Variants in ZBBX observed in about 807,000 individuals in gnomAD.
ZBBX encodes zinc finger B-box domain-containing protein 1.
In ZBBX, 101 loss-of-function variants were observed where a neutral mutation model predicts 108.5. The ratio of observed to expected loss-of-function variants is 0.93; its 90% CI spans 0.79 to 1.10. The LOEUF (loss-of-function observed/expected upper bound fraction) is 1.10. Ranked by LOEUF, ZBBX falls within the 50% of genes least tolerant of loss-of-function variation. The pLI is 0.00. For missense variants in ZBBX, 1,009 were observed against 941.4 expected, an observed-to-expected ratio of 1.07 and a Z score of -0.94; for synonymous variants, 356 against 323.4, an observed-to-expected ratio of 1.10 and a Z score of -1.08.
the ZBBX span, among the ~76,000 whole-genome samples, chr3:167,212,819 A>G: frequency 1.3e-5 from 2 of 152,142 alleles, no homozygotes; most frequent in Admixed American, 6.5e-5. Context: ...CATGGCTACA[A>G]TTGTGAGGAA....
At chr3:167,213,823 T>C in the ZBBX span, among the ~76,000 whole-genome samples, 2 of 152,180 alleles carry the variant, frequency 1.3e-5, no homozygotes, top group East Asian at 1.9e-4. Context: ...ATCAGGCTAA[T>C]AGCAGACCTC....
intron 6 of ZBBX, among the ~76,000 whole-genome samples, chr3:167,363,863 A>G (rs1260258164): frequency 6.6e-6 from 1 of 152,050 alleles, no homozygotes; most frequent in Non-Finnish European, 1.5e-5. Flanking sequence ...TAGGTCTTTT[A>G]AATATTTTCA....
At chr3:167,296,089 T>C (rs576535174) in intron 18 of ZBBX, among the ~76,000 whole-genome samples, 15 of 152,038 alleles carry the variant, frequency 9.9e-5, no homozygotes, top group Admixed American at 3.3e-4. Context: ...AATGTAAGGA[T>C]GGTTCGGCAT....
chr3:167,253,517 C>A (rs1242163120), intron 20 of ZBBX, among the ~76,000 whole-genome samples: 2 of 151,972 alleles, frequency 1.3e-5, no homozygotes, highest in East Asian at 1.9e-4. Context: ...CAGAAAAAGA[C>A]AAGAAAGCCC....
At chr3:167,218,306 A>G in the ZBBX span, among the ~76,000 whole-genome samples, 1 of 152,190 alleles carries the variant, frequency 6.6e-6, no homozygotes, top group East Asian at 1.9e-4. Flanking sequence ...GGTAAGAGTA[A>G]GTACACAGAA....
intron 20 of ZBBX, among the ~76,000 whole-genome samples, chr3:167,270,234 T>C (rs1386743981): frequency 2.0e-5 from 3 of 152,178 alleles, no homozygotes; most frequent in South Asian, 2.1e-4. Context: ...TGCAGGCAAG[T>C]GGAGAATAGT....
upstream of ZBBX, among the ~76,000 whole-genome samples, chr3:167,382,381 C>T (rs373675635): frequency 1.8e-4 from 28 of 152,238 alleles, no homozygotes; most frequent in African/African-American, 6.5e-4. Flanking sequence ...AAGTAAAATG[C>T]GTTTAACTGG....
At position 167,305,698 on chromosome 3, in the gene ZBBX, C is replaced by T. The variant is rs767936419; in HGVS notation, c.1670G>A (p.Ser557Asn). 3.2e-5 allele frequency: 52 copies of T among 1,609,350 alleles called. No homozygotes were observed. The highest frequency in any genetic ancestry group is 4.3e-5 in the Non-Finnish European group (51 of 1,178,564). ...AAAGCTTGGCCTCTTATACAGATTG[C>T]TCAATTCCAAGGATTCTTTGATGTC... ...SQDIKESLEL[S>N]NLYKRPSFEE... Residue 557 changes from serine (S) to asparagine (N), a missense_variant, in exon 17 of 22, where the codon AGC becomes AAC. Coordinates refer to ENST00000675490, the MANE Select transcript of ZBBX (RefSeq NM_001199201.2).
intron 9 of ZBBX, among the ~76,000 whole-genome samples, chr3:167,343,037 T>C (rs986223545): frequency 1.3e-5 from 2 of 151,932 alleles, no homozygotes; most frequent in African/African-American, 4.8e-5. Flanking sequence ...TCATCATTAA[T>C]ATTACATTGT....
At chr3:167,251,293 G>A (rs1722550961) in intron 20 of ZBBX, among the ~76,000 whole-genome samples, 1 of 152,210 alleles carries the variant, frequency 6.6e-6, no homozygotes, top group South Asian at 2.1e-4. Context: ...CTGGGATACA[G>A]AAAGCCCTCC....
intron 20 of ZBBX, among the ~76,000 whole-genome samples, chr3:167,263,749 T>C (rs137896222): frequency 8.6e-4 from 131 of 152,338 alleles, no homozygotes; most frequent in African/African-American, 3.0e-3. Context: ...CTATAGTGCA[T>C]ATTAAGTCTA....
At chr3:167,326,301 TGTGA>T (rs988149952) in intron 11 of ZBBX, among the ~76,000 whole-genome samples, 3 of 152,120 alleles carry the variant, frequency 2.0e-5, no homozygotes, top group South Asian at 2.1e-4. Flanking sequence ...CATTTTTTTG[TGTGA>T]GTATGTGTGT....
chr3:167,393,876 A>G (rs146408286), intron 1 of ZBBX, among the ~76,000 whole-genome samples: 24 of 151,974 alleles, frequency 1.6e-4, no homozygotes, highest in Non-Finnish European at 2.7e-4. Flanking sequence ...GCCCTTCCAC[A>G]TGTTTCACAT....
At position 167,351,271 on chromosome 3, in the gene ZBBX, C is replaced by T. The variant is rs73879677; in HGVS notation, c.433-756G>A. Among the ~76,000 whole-genome samples, 680 of 152,044 alleles carry T rather than the reference C, an allele frequency of 4.5e-3. 9 individuals carry two copies. Among genetic ancestry groups the T allele is most frequent in the African/African-American group, 0.014 (599 of 41,462 alleles). On this transcript the variant is annotated intron_variant, in intron 8 of 21. Transcript: ENST00000675490. Reference sequence around the variant, plus strand: ...TAAAATACTCGTACCTATGATGGTGCCAAGCAAAACTGAAACTAAAGAGAA... The same window carrying T: ...TAAAATACTCGTACCTATGATGGTGTCAAGCAAAACTGAAACTAAAGAGAA...
At chr3:167,264,765 G>A (rs1179180107) in intron 20 of ZBBX, among the ~76,000 whole-genome samples, 2 of 152,142 alleles carry the variant, frequency 1.3e-5, no homozygotes, top group East Asian at 1.9e-4. Flanking sequence ...CTATTCTACT[G>A]CAGCTAAGTT....
chr3:167,212,142 C>T, the ZBBX span, among the ~76,000 whole-genome samples: 1 of 152,182 alleles, frequency 6.6e-6, no homozygotes, highest in East Asian at 1.9e-4. Flanking sequence ...AGGCTGCCAT[C>T]TTTGCTGTTT....
At chr3:167,238,424 A>G (rs1720319707), downstream of ZBBX, among the ~76,000 whole-genome samples, 1 of 152,062 alleles carries the variant, frequency 6.6e-6, no homozygotes, top group South Asian at 2.1e-4. Flanking sequence ...ACGTTTGTTA[A>G]TCAGTTTCAA....
At chr3:167,306,964 A>G (rs532777005) in intron 16 of ZBBX, among the ~76,000 whole-genome samples, 11 of 152,294 alleles carry the variant, frequency 7.2e-5, no homozygotes, top group African/African-American at 2.4e-4. Flanking sequence ...ATGTTTATAT[A>G]ACTCACCAAT....
chr3:167,245,630 G>A (rs1221378211), intron 20 of ZBBX, among the ~76,000 whole-genome samples: 1 of 152,042 alleles, frequency 6.6e-6, no homozygotes, highest in Non-Finnish European at 1.5e-5. Flanking sequence ...CCTCCTTGCT[G>A]TTCTCATGAT....
Sources: gnomAD v4.1 joint callset for allele counts (sites outside exome capture counted in the v4.1 genomes callset) on GRCh38, gnomAD v4.1.1 for gene constraint, MANE v1.5 for transcripts, NCBI Gene and HGNC (gene_info 2026-07-23, HGNC 2026-07-21) for gene names.